The following DTWD2 variants were observed in gnomAD, a reference collection of about 807,000 sequenced individuals.
DTWD2 encodes DTW motif tRNA-uridine aminocarboxypropyltransferase 2, also known as tRNA-uridine aminocarboxypropyltransferase 2.
A neutral mutation model predicts 31.8 loss-of-function variants in DTWD2; 39 were observed. That is an observed-to-expected ratio of 1.22 (90% confidence interval 0.95 to 1.60). The LOEUF (loss-of-function observed/expected upper bound fraction) is 1.60. Among genes scored for constraint, DTWD2 ranks in the 40% most tolerant of loss-of-function variants. The pLI, the probability that DTWD2 is intolerant of heterozygous loss-of-function variation, is 0.00. For missense variants in DTWD2, 515 were observed against 381.5 expected (o/e 1.35, Z -2.92); for synonymous variants, 180 against 142.8 (o/e 1.26, Z -1.86).
intron 2 of DTWD2, among the ~76,000 whole-genome samples, chr5:118,942,899 C>A (rs1754237682): frequency 6.6e-6 from 1 of 151,934 alleles, no homozygotes; most frequent in African/African-American, 2.4e-5. Flanking sequence ...AACTCCTGTA[C>A]AGAAGGGATC....
intron 1 of DTWD2, among the ~76,000 whole-genome samples, chr5:118,963,289 G>A (rs1176297940): frequency 6.6e-6 from 1 of 152,256 alleles, no homozygotes; most frequent in Non-Finnish European, 1.5e-5. Context: ...CATGGAACTT[G>A]AGCTGGACCT....
intron 4 of DTWD2, among the ~76,000 whole-genome samples, chr5:118,870,405 T>C (rs1269181086): frequency 6.6e-6 from 1 of 152,198 alleles, no homozygotes; most frequent in African/African-American, 2.4e-5. Flanking sequence ...TATATTTTAA[T>C]TTGTACCAGC....
intron 5 of DTWD2, among the ~76,000 whole-genome samples, chr5:118,847,013 T>C (rs1474456656): frequency 6.6e-6 from 1 of 151,230 alleles, no homozygotes; most frequent in Non-Finnish European, 1.5e-5. Context: ...AGTCTCCAAC[T>C]CTGACATATT....
chr5:118,952,678 C>G (rs1445696392), intron 1 of DTWD2, among the ~76,000 whole-genome samples: 1 of 152,166 alleles, frequency 6.6e-6, no homozygotes, highest in Non-Finnish European at 1.5e-5. Flanking sequence ...AAACTCTACT[C>G]CAAAAGTCTA....
At chr5:118,890,694 C>A (rs1752960455) in intron 4 of DTWD2, among the ~76,000 whole-genome samples, 1 of 151,056 alleles carries the variant, frequency 6.6e-6, no homozygotes, top group South Asian at 2.1e-4. Flanking sequence ...CCTCAGCCTC[C>A]AAAGTAGCTG....
chr5:118,956,247 A>G (rs1342871119), intron 1 of DTWD2, among the ~76,000 whole-genome samples: 1 of 152,244 alleles, frequency 6.6e-6, no homozygotes, highest in African/African-American at 2.4e-5. Context: ...TGTATTTACA[A>G]TGTATTTTTC....
At chr5:118,969,498 T>G (rs1754933123) in intron 1 of DTWD2, among the ~76,000 whole-genome samples, 1 of 152,164 alleles carries the variant, frequency 6.6e-6, no homozygotes, top group East Asian at 1.9e-4. Flanking sequence ...CTTTGCTGTT[T>G]TGCAGCCTTC....
intron 5 of DTWD2, among the ~76,000 whole-genome samples, chr5:118,845,854 G>GT (rs1208156112): frequency 1.3e-5 from 2 of 151,400 alleles, no homozygotes; most frequent in Admixed American, 1.3e-4. Context: ...CCTTTTTTTT[G>GT]TTTGTTTGTT....
At chr5:118,938,343 A>G (rs1407374165) in intron 3 of DTWD2, among the ~76,000 whole-genome samples, 1 of 152,212 alleles carries the variant, frequency 6.6e-6, no homozygotes, top group Non-Finnish European at 1.5e-5. Flanking sequence ...ACGAATTTAG[A>G]AAGTTACTGG....
intron 4 of DTWD2, among the ~76,000 whole-genome samples, chr5:118,927,901 T>C (rs747704814): frequency 6.6e-6 from 1 of 152,072 alleles, no homozygotes; most frequent in African/African-American, 2.4e-5. Context: ...ATTATTTTAA[T>C]AACCAAACAT....
rs116203256 is a variant in DTWD2 at position 118,952,739 on chromosome 5, G to T, written c.219-8090C>A. ...GTTAGATTCTCAGCCCACAACAGCA[G>T]TCTTTAACCCATAAATCTGCAATAT... is the stretch of plus-strand genomic sequence containing the variant. On this transcript the variant is annotated intron_variant, in intron 1 of 5. Transcript: ENST00000510708. Among the ~76,000 whole-genome samples, 1,162 of 152,230 alleles carry T rather than the reference G, an allele frequency of 7.6e-3. 26 individuals are homozygous for T. The highest frequency in any genetic ancestry group is 0.027 in the African/African-American group (1,107 of 41,530).
At chr5:118,851,172 T>C (rs1036595590) in intron 4 of DTWD2, among the ~76,000 whole-genome samples, 15 of 136,562 alleles carry the variant, frequency 1.1e-4, no homozygotes, top group African/African-American at 4.2e-4. Context: ...TGAGCCAAGA[T>C]CATGCCACTG....
chr5:118,880,389 C>T (rs1477998275), intron 4 of DTWD2, among the ~76,000 whole-genome samples: 2 of 152,110 alleles, frequency 1.3e-5, no homozygotes, highest in African/African-American at 2.4e-5. Flanking sequence ...ATTTTAAAAA[C>T]TCTCTTTAAA....
intron 4 of DTWD2, among the ~76,000 whole-genome samples, chr5:118,863,527 A>C (rs1372359972): frequency 1.3e-5 from 2 of 152,230 alleles, no homozygotes; most frequent in Non-Finnish European, 2.9e-5. Context: ...CCTTAAAAGC[A>C]GATACAGTTA....
chr5:118,971,783 A>G (rs1371093069), intron 1 of DTWD2, among the ~76,000 whole-genome samples: 2 of 152,240 alleles, frequency 1.3e-5, no homozygotes, highest in East Asian at 3.8e-4. Flanking sequence ...ATAGTCTCTC[A>G]GACCACAGTG....
At chr5:118,958,124 G>A (rs1754628518) in intron 1 of DTWD2, among the ~76,000 whole-genome samples, 1 of 152,088 alleles carries the variant, frequency 6.6e-6, no homozygotes, top group Non-Finnish European at 1.5e-5. Context: ...GTTTTCATGT[G>A]AAACCACAAG....
At chr5:118,911,007 C>T (rs890018301) in intron 4 of DTWD2, among the ~76,000 whole-genome samples, 1 of 152,146 alleles carries the variant, frequency 6.6e-6, no homozygotes, top group African/African-American at 2.4e-5. Flanking sequence ...CCATCACCTT[C>T]GGGGGTTAGG....
chr5:118,984,417 C>T (rs1005225771), intron 1 of DTWD2, among the ~76,000 whole-genome samples: 23 of 150,408 alleles, frequency 1.5e-4, no homozygotes, highest in Non-Finnish European at 5.9e-5. Context: ...GCTGAGATTG[C>T]GCCACTGCAA....
intron 4 of DTWD2, among the ~76,000 whole-genome samples, chr5:118,910,218 G>C (rs550004434): frequency 6.6e-6 from 1 of 152,002 alleles, no homozygotes; most frequent in South Asian, 2.1e-4. Flanking sequence ...GTTTCTTTTT[G>C]CATTTTACTA....
Sources: allele counts gnomAD v4.1 joint callset (sites outside exome capture counted in the v4.1 genomes callset), GRCh38; gene constraint gnomAD v4.1.1; transcripts MANE v1.5; gene names NCBI Gene and HGNC (gene_info 2026-07-23, HGNC 2026-07-21).